ARHGAP18: variants seen among roughly 807,000 people sequenced by gnomAD.
The protein encoded by ARHGAP18 is Rho GTPase activating protein 18.
A neutral mutation model predicts 86.2 loss-of-function variants in ARHGAP18; 67 were observed. That is an observed-to-expected ratio of 0.78 (90% CI 0.64 to 0.95). The LOEUF is 0.95. ARHGAP18 is among the 40% of genes least tolerant of loss of function. The pLI is 0.00. For synonymous variants in ARHGAP18, 283 were observed against 280.4 expected, an observed-to-expected ratio of 1.01 and a Z score of -0.09; for missense variants, 691 against 780.4, an observed-to-expected ratio of 0.89 and a Z score of 1.37.
chr6:129,669,171 A>AC (rs1173038808), intron 1 of ARHGAP18, among the ~76,000 whole-genome samples: 2 of 141,268 alleles, frequency 1.4e-5, no homozygotes, highest in Non-Finnish European at 3.0e-5. Flanking sequence ...TCTAACACGC[A>AC]CTTTTTTTTT....
chr6:129,617,756 A>C (rs1483216128), intron 6 of ARHGAP18, among the ~76,000 whole-genome samples: 3 of 152,230 alleles, frequency 2.0e-5, no homozygotes, highest in Admixed American at 2.0e-4. Flanking sequence ...ACTCAAAGGA[A>C]CTAAGCACAG....
At chr6:129,702,939 GC>G (rs1253530737) in intron 1 of ARHGAP18, among the ~76,000 whole-genome samples, 1 of 152,128 alleles carries the variant, frequency 6.6e-6, no homozygotes, top group East Asian at 1.9e-4. Context: ...GACAGAAATT[GC>G]AGTGAGCCGA....
chr6:129,616,310 G>GA lies in ARHGAP18; in HGVS notation c.953-8dup, dbSNP rs746772039. 33 of 1,596,048 alleles carry GA rather than the reference G, an allele frequency of 2.1e-5. No homozygotes were observed. Among genetic ancestry groups the GA allele is most frequent in the African/African-American group, 5.4e-5 (4 of 74,038 alleles). ...ACGCAAAAAAGACCAGAATCTGCAAGAAAAAAAATGAAATTTCCTCACTTT... is the reference window on the plus strand; with the variant it reads ...ACGCAAAAAAGACCAGAATCTGCAAGAAAAAAAAATGAAATTTCCTCACTTT... On this transcript the variant is annotated splice_polypyrimidine_tract_variant and splice_region_variant and intron_variant, in intron 6 of 14. Coordinates refer to ENST00000368149, the MANE Select transcript of ARHGAP18 (RefSeq NM_033515.3).
intron 1 of ARHGAP18, among the ~76,000 whole-genome samples, chr6:129,678,311 G>A (rs540140344): frequency 6.6e-6 from 1 of 152,338 alleles, no homozygotes; most frequent in African/African-American, 2.4e-5. Flanking sequence ...GAAAGTTGCA[G>A]TTCTCTATTG....
chr6:129,636,055 C>G (rs2114494268), intron 3 of ARHGAP18, among the ~76,000 whole-genome samples: 1 of 152,314 alleles, frequency 6.6e-6, no homozygotes, highest in Non-Finnish European at 1.5e-5. Context: ...CCTCTTAACT[C>G]CCTTAGTGAG....
intron 1 of ARHGAP18, chr6:129,661,787 G>A (rs1773957953): frequency 1.4e-6 from 1 of 714,518 alleles, no homozygotes; most frequent in Non-Finnish European, 1.7e-6. Context: ...AACGTGCAGG[G>A]TATCCGTTCG....
chr6:129,650,717 C>A (rs576441921), intron 1 of ARHGAP18, among the ~76,000 whole-genome samples: 93 of 152,318 alleles, frequency 6.1e-4, no homozygotes, highest in African/African-American at 2.2e-3. Flanking sequence ...CCACCTGATA[C>A]CCTGGACCTG....
chr6:129,578,636 C>T, intron 14 of ARHGAP18, 32 bp from the exon 15 acceptor site: 2 of 1,537,674 alleles, frequency 1.3e-6, no homozygotes, highest in African/African-American at 2.7e-5. Context: ...CAGTTTAATA[C>T]AGCAGGTAGA....
At chr6:129,614,748 ATTTTTTT>A (rs10556070) in intron 7 of ARHGAP18, among the ~76,000 whole-genome samples, 198 of 131,550 alleles carry the variant, frequency 1.5e-3, no homozygotes, top group Non-Finnish European at 2.6e-3. Context: ...GCAGTGACAG[ATTTTTTT>A]TTTTTTTTTT....
chr6:129,634,836 G>T (rs752701996), intron 3 of ARHGAP18, among the ~76,000 whole-genome samples: 32 of 151,688 alleles, frequency 2.1e-4, no homozygotes, highest in Non-Finnish European at 3.4e-4. Flanking sequence ...CAATCATGCT[G>T]TTATAAAACT....
chr6:129,600,999 C>T (rs1788727438), intron 10 of ARHGAP18, 151 bp from the exon 11 acceptor site: 2 of 680,402 alleles, frequency 2.9e-6, no homozygotes, highest in Non-Finnish European at 2.4e-6. Flanking sequence ...GTTACCAAAG[C>T]TTCTCCATTT....
At chr6:129,632,009 T>C (rs918653168) in intron 4 of ARHGAP18, among the ~76,000 whole-genome samples, 1 of 152,182 alleles carries the variant, frequency 6.6e-6, no homozygotes, top group Admixed American at 6.5e-5. Context: ...AGAATAAGTA[T>C]CATTGGCGGA....
At chr6:129,603,886 G>A (rs1788798328) in intron 10 of ARHGAP18, among the ~76,000 whole-genome samples, 1 of 152,200 alleles carries the variant, frequency 6.6e-6, no homozygotes. Context: ...TAGACTTGCT[G>A]TAGCAATATT....
chr6:129,627,175 T>A (rs1189840396), intron 5 of ARHGAP18, among the ~76,000 whole-genome samples: 2 of 152,000 alleles, frequency 1.3e-5, no homozygotes, highest in African/African-American at 4.8e-5. Flanking sequence ...ACAAAGCAAA[T>A]TAAAACATTA....
chr6:129,618,968 GC>G (rs1368847546), intron 5 of ARHGAP18, 116 bp from the exon 6 acceptor site: 1 of 927,970 alleles, frequency 1.1e-6, no homozygotes, highest in Non-Finnish European at 1.6e-6. Flanking sequence ...GATAAGAAAA[GC>G]CACAGAATTT....
intron 12 of ARHGAP18, among the ~76,000 whole-genome samples, chr6:129,588,249 C>T (rs1023156237): frequency 7.9e-5 from 12 of 151,956 alleles, no homozygotes; most frequent in African/African-American, 2.9e-4. Flanking sequence ...TCCCGAGTAG[C>T]TGAGATTATA....
chr6:129,630,323 T>C (rs933161323), intron 4 of ARHGAP18, among the ~76,000 whole-genome samples: 1 of 152,212 alleles, frequency 6.6e-6, no homozygotes, highest in South Asian at 2.1e-4. Context: ...TTGGAGAAGA[T>C]ACTTCTAAAT....
intron 1 of ARHGAP18, among the ~76,000 whole-genome samples, chr6:129,708,067 C>G (rs1176812342): frequency 6.6e-6 from 1 of 152,128 alleles, no homozygotes; most frequent in Non-Finnish European, 1.5e-5. Context: ...ATTACAGTAT[C>G]TCAATCCTTT....
chr6:129,591,028 T>C (rs1277411193), intron 12 of ARHGAP18, among the ~76,000 whole-genome samples: 2 of 152,220 alleles, frequency 1.3e-5, no homozygotes, highest in Non-Finnish European at 2.9e-5. Flanking sequence ...GCTGGATATC[T>C]TGACAAGGAA....
Sources: allele counts gnomAD v4.1 joint callset (sites outside exome capture counted in the v4.1 genomes callset), GRCh38; gene constraint gnomAD v4.1.1; transcripts MANE v1.5; gene names NCBI Gene and HGNC (gene_info 2026-07-23, HGNC 2026-07-21).